Variants in CFAP299 observed in about 807,000 individuals in gnomAD.
CFAP299 encodes the protein cilia- and flagella-associated protein 299.
A neutral mutation model predicts 27.0 loss-of-function variants in CFAP299; 21 were observed. The observed-to-expected ratio is 0.78, with a 90% CI of 0.55 to 1.12. CFAP299 has a LOEUF of 1.12. Among genes scored for constraint, CFAP299 ranks in the 50% most tolerant of loss-of-function variants. The pLI is 0.00. For synonymous variants in CFAP299, 104 were observed against 98.1 expected, an observed-to-expected ratio of 1.06 and a Z score of -0.36; for missense variants, 310 against 276.6, an observed-to-expected ratio of 1.12 and a Z score of -0.86.
intron 3 of CFAP299, among the ~76,000 whole-genome samples, chr4:80,782,591 T>C (rs1234456748): frequency 7.7e-6 from 1 of 130,520 alleles, no homozygotes; most frequent in East Asian, 2.1e-4. Context: ...TATAATATAT[T>C]CATATATAAT....
chr4:80,708,358 C>T (rs1204475375), intron 3 of CFAP299, among the ~76,000 whole-genome samples: 1 of 151,720 alleles, frequency 6.6e-6, no homozygotes, highest in Non-Finnish European at 1.5e-5. Context: ...ATTCTTTGTC[C>T]TTTTGCTCTT....
At chr4:80,476,254 G>A (rs2110121639) in intron 2 of CFAP299, among the ~76,000 whole-genome samples, 1 of 152,192 alleles carries the variant, frequency 6.6e-6, no homozygotes, top group East Asian at 1.9e-4. Flanking sequence ...CCAGTATTTG[G>A]GGCCTACAAA....
chr4:80,937,312 C>T (rs374445239), intron 4 of CFAP299, among the ~76,000 whole-genome samples: 1,345 of 68,434 alleles, frequency 0.02, 21 homozygotes, highest in African/African-American at 0.039. Flanking sequence ...TTTTTTCTTT[C>T]TTTTTTTTTT....
chr4:80,792,704 C>G (rs924103252), intron 3 of CFAP299, among the ~76,000 whole-genome samples: 1 of 151,990 alleles, frequency 6.6e-6, no homozygotes, highest in African/African-American at 2.4e-5. Context: ...AATATTTGTT[C>G]AGATAGGTTT....
At chr4:80,492,046 C>T (rs1731162190) in intron 2 of CFAP299, among the ~76,000 whole-genome samples, 1 of 152,176 alleles carries the variant, frequency 6.6e-6, no homozygotes, top group African/African-American at 2.4e-5. Context: ...TAATCTTTAT[C>T]TTAACCGTTT....
chr4:80,485,678 T>A (rs1312651748), intron 2 of CFAP299, among the ~76,000 whole-genome samples: 1 of 152,166 alleles, frequency 6.6e-6, no homozygotes, highest in African/African-American at 2.4e-5. Flanking sequence ...TGCTTTAAGA[T>A]AATAGAGAGC....
At chr4:80,863,217 T>TTTA (rs1369899769) in intron 3 of CFAP299, among the ~76,000 whole-genome samples, 13 of 151,088 alleles carry the variant, frequency 8.6e-5, no homozygotes, top group Admixed American at 2.0e-4. Flanking sequence ...TTTTTTTTTT[T>TTTA]AAGTGACTTT....
intron 3 of CFAP299, among the ~76,000 whole-genome samples, chr4:80,694,024 A>G (rs1246625459): frequency 6.6e-6 from 1 of 152,066 alleles, no homozygotes; most frequent in Non-Finnish European, 1.5e-5. Flanking sequence ...ATTGTGAAAA[A>G]TCTTCTCTTT....
chr4:80,664,970 G>C (rs909322560), intron 3 of CFAP299, among the ~76,000 whole-genome samples: 5 of 152,126 alleles, frequency 3.3e-5, no homozygotes, highest in African/African-American at 1.2e-4. Flanking sequence ...AGCTTCCTTT[G>C]GCTAGGGGAG....
chr4:80,646,436 T>C (rs1251925624), intron 3 of CFAP299, among the ~76,000 whole-genome samples: 1 of 152,186 alleles, frequency 6.6e-6, no homozygotes, highest in African/African-American at 2.4e-5. Context: ...ATCAGCTAAT[T>C]ACAATGGATC....
At chr4:80,858,248 G>A (rs1732057088) in intron 3 of CFAP299, among the ~76,000 whole-genome samples, 2 of 152,106 alleles carry the variant, frequency 1.3e-5, no homozygotes, top group South Asian at 2.1e-4. Context: ...GGGATCGGTG[G>A]TGATATCCCC....
intron 2 of CFAP299, among the ~76,000 whole-genome samples, chr4:80,560,069 C>T (rs1578599243): frequency 6.6e-6 from 1 of 152,120 alleles, no homozygotes; most frequent in East Asian, 2.0e-4. Context: ...AAAAAGACCC[C>T]TTCCTTCTGC....
chr4:80,857,558 T>C (rs1231135915), intron 3 of CFAP299, among the ~76,000 whole-genome samples: 5 of 152,218 alleles, frequency 3.3e-5, no homozygotes, highest in Admixed American at 3.3e-4. Flanking sequence ...TAGATAGCTG[T>C]TATTATTTTG....
intron 3 of CFAP299, among the ~76,000 whole-genome samples, chr4:80,684,292 C>A (rs1720037072): frequency 1.3e-5 from 2 of 151,492 alleles, no homozygotes; most frequent in South Asian, 4.2e-4. Context: ...GGGGACGGAG[C>A]CTCACTTTGT....
intron 2 of CFAP299, among the ~76,000 whole-genome samples, chr4:80,389,236 A>G (rs1357113841): frequency 2.0e-5 from 3 of 152,264 alleles, no homozygotes; most frequent in Non-Finnish European, 4.4e-5. Flanking sequence ...TCTACCCAGT[A>G]TTATCTGCTA....
chr4:80,573,212 G>A (rs71596015), intron 2 of CFAP299, among the ~76,000 whole-genome samples: 22 of 152,058 alleles, frequency 1.4e-4, no homozygotes, highest in Non-Finnish European at 3.1e-4. Flanking sequence ...TTGCATTTTT[G>A]TAGTGATTAA....
At chr4:80,825,651 T>C (rs1226192444) in intron 3 of CFAP299, among the ~76,000 whole-genome samples, 3 of 151,914 alleles carry the variant, frequency 2.0e-5, no homozygotes, top group African/African-American at 7.2e-5. Flanking sequence ...AGCAAAATAG[T>C]CTTCAAAAGT....
At chr4:80,777,092 C>T (rs1366554239) in intron 3 of CFAP299, among the ~76,000 whole-genome samples, 1 of 151,928 alleles carries the variant, frequency 6.6e-6, no homozygotes, top group African/African-American at 2.4e-5. Context: ...AGGATGGCTC[C>T]CCAGATTGCA....
chr4:80,458,565 A>G (rs528493800), intron 2 of CFAP299, among the ~76,000 whole-genome samples: 2 of 152,332 alleles, frequency 1.3e-5, no homozygotes, highest in African/African-American at 4.8e-5. Flanking sequence ...TTAAGACAAG[A>G]GCTCTCTAAA....
Sources: allele counts gnomAD v4.1 joint callset (sites outside exome capture counted in the v4.1 genomes callset), GRCh38; gene constraint gnomAD v4.1.1; transcripts MANE v1.5; gene names NCBI Gene and HGNC (gene_info 2026-07-23, HGNC 2026-07-21).